CSRNP3: variants seen among roughly 807,000 people sequenced by gnomAD.
CSRNP3 encodes the protein cysteine/serine-rich nuclear protein 3.
A neutral mutation model predicts 48.0 loss-of-function variants in CSRNP3; 12 were observed. That is an observed-to-expected ratio of 0.25 (90% confidence interval 0.16 to 0.41). The LOEUF is 0.41. Among genes scored for constraint, CSRNP3 ranks in the 10% least tolerant of loss-of-function variants. CSRNP3 has a pLI of 1.00. For missense variants in CSRNP3, 580 were observed against 724.4 expected (o/e 0.80, Z 2.29); for synonymous variants, 263 against 269.7 (o/e 0.98, Z 0.24).
chr2:165,569,000 A>G (rs1397649299), intron 3 of CSRNP3, among the ~76,000 whole-genome samples: 1 of 152,108 alleles, frequency 6.6e-6, no homozygotes, highest in Non-Finnish European at 1.5e-5. Flanking sequence ...ACCATTTAAT[A>G]CTTTCACATA....
chr2:165,653,055 CT>C (rs1686940797), intron 4 of CSRNP3, among the ~76,000 whole-genome samples: 1 of 152,144 alleles, frequency 6.6e-6, no homozygotes, highest in African/African-American at 2.4e-5. Context: ...TGAATTTAGT[CT>C]GCTTCTCCCA....
chr2:165,481,531 C>A (rs1176606994), intron 1 of CSRNP3, among the ~76,000 whole-genome samples: 2 of 152,168 alleles, frequency 1.3e-5, no homozygotes, highest in Non-Finnish European at 1.5e-5. Flanking sequence ...AGACTTTGCA[C>A]CATCTTTCCT....
intron 5 of CSRNP3, among the ~76,000 whole-genome samples, chr2:165,663,697 G>A (rs146230310): frequency 6.6e-6 from 1 of 152,180 alleles, no homozygotes; most frequent in Non-Finnish European, 1.5e-5. Flanking sequence ...TGATTAAAAT[G>A]TGGGGTATAT....
chr2:165,608,462 A>G (rs1337288275), intron 4 of CSRNP3, among the ~76,000 whole-genome samples: 1 of 152,202 alleles, frequency 6.6e-6, no homozygotes, highest in Non-Finnish European at 1.5e-5. Context: ...AGAAAGTAAC[A>G]AAAGAATTAA....
intron 2 of CSRNP3, among the ~76,000 whole-genome samples, chr2:165,500,079 T>G (rs1346173277): frequency 6.7e-6 from 1 of 148,390 alleles, no homozygotes; most frequent in Non-Finnish European, 1.5e-5. Context: ...CACCAAAAAC[T>G]CAAACTCAAT....
At position 165,520,802 on chromosome 2, in the gene CSRNP3, T is replaced by C. The variant is rs910147450; in HGVS notation, c.-24+2841T>C. On this transcript the variant is annotated intron_variant, in intron 3 of 6. Transcript: ENST00000651982. ...TATATATTATATATATATATATATA[T>C]ATATATATATATATATATATATATA... 5.8e-4 allele frequency among the ~76,000 whole-genome samples: 33 copies of C among 57,362 alleles called. 1 individual carries two copies. In the East Asian group the frequency reaches 7.2e-3, roughly 13 times the overall value. 37.6% of individuals were successfully genotyped at this position (57,362 alleles called of 152,430 possible).
intron 1 of CSRNP3, among the ~76,000 whole-genome samples, chr2:165,484,621 C>G (rs1411199775): frequency 6.6e-6 from 1 of 152,182 alleles, no homozygotes; most frequent in Non-Finnish European, 1.5e-5. Context: ...TTTATGATCA[C>G]TTTTGCTTGA....
At chr2:165,544,010 T>TAC (rs1039187031) in intron 3 of CSRNP3, among the ~76,000 whole-genome samples, 1 of 147,408 alleles carries the variant, frequency 6.8e-6, no homozygotes, top group African/African-American at 2.6e-5. Flanking sequence ...TATATATATA[T>TAC]ACACACACAA....
At position 165,667,812 on chromosome 2, in the gene CSRNP3, T is replaced by C. The variant is rs74942232; in HGVS notation, c.409-8500T>C. 9.0e-3 allele frequency among the ~76,000 whole-genome samples: 1,370 copies of C among 152,328 alleles called. 24 individuals carry two copies. The highest frequency in any genetic ancestry group is 0.031 in the African/African-American group (1,283 of 41,572). ...CCACCACTTCAATAACTTGCACATA[T>C]ATTTTGTGCTCTTACAACATTATAT... On this transcript the variant is annotated intron_variant, in intron 5 of 6. Coordinates refer to ENST00000651982, the MANE Select transcript of CSRNP3 (RefSeq NM_001172173.2).
In CSRNP3 at chr2:165,680,435, T is replaced by C. The variant is rs1687514602; in HGVS notation, c.*682T>C. 1 of 152,680 alleles carries C rather than the reference T, an allele frequency of 6.5e-6. No individual in the cohort carries two copies. Among genetic ancestry groups the C allele is most frequent in the Admixed American group, 6.5e-5 (1 of 15,272 alleles). The allele number at this position is 152,680 out of a possible 1,614,324, so 9.5% of individuals were successfully genotyped here. ...TTGGACAAATAAATGATTCTATATG[T>C]GCAGGTCCTTACACAGTTTTCTCTA... On this transcript the variant is annotated 3_prime_UTR_variant, in exon 7 of 7. Transcript: ENST00000651982.
Position 165,554,259 on chromosome 2 carries a change from A to G in CSRNP3, c.-24+36298A>G, listed in dbSNP as rs1449907459. ...GTGCTGGTTCTTCCTCATTTCCTCA[A>G]TCACTAAACATTGGAGTACACAGGA... On this transcript the variant is annotated intron_variant, in intron 3 of 6. Transcript: ENST00000651982. Among the ~76,000 whole-genome samples, 7 of 152,084 alleles carry G rather than the reference A, an allele frequency of 4.6e-5. No individual in the cohort carries two copies. The East Asian group carries it at 1.4e-3, about 29-fold the overall frequency.
chr2:165,546,522 T>C (rs979400126), intron 3 of CSRNP3, among the ~76,000 whole-genome samples: 4 of 152,186 alleles, frequency 2.6e-5, no homozygotes, highest in Non-Finnish European at 5.9e-5. Context: ...GTACTCTGCA[T>C]ACAAATGCTA....
At chr2:165,520,363 TAA>T (rs960201642) in intron 3 of CSRNP3, among the ~76,000 whole-genome samples, 2 of 152,148 alleles carry the variant, frequency 1.3e-5, no homozygotes, top group Admixed American at 6.6e-5. Flanking sequence ...ACTCATCATA[TAA>T]AGTGCTGTTA....
rs2105367692 is a variant in CSRNP3 at position 165,680,656 on chromosome 2, G to A, written c.*903G>A. The A allele has an allele frequency of 6.6e-6, 1 of 152,326 alleles. No individual in the cohort carries two copies. The highest frequency in any genetic ancestry group is 1.5e-5 in the Non-Finnish European group (1 of 67,972). The allele number at this position is 152,326 out of a possible 1,614,324, so 9.4% of individuals were successfully genotyped here. A position where few individuals can be genotyped will look rare whatever the true frequency, so the allele number is the denominator to read the frequency against. On this transcript the variant is annotated 3_prime_UTR_variant, in exon 7 of 7. Transcript: ENST00000651982. Reference sequence around the variant, plus strand: ...AGTGCCCCTTCACGGTACCTCGTGTGGGGTGGGGACTGAGAACTCTTTGAG... The same window carrying A: ...AGTGCCCCTTCACGGTACCTCGTGTAGGGTGGGGACTGAGAACTCTTTGAG...
intron 5 of CSRNP3, among the ~76,000 whole-genome samples, chr2:165,669,985 T>C (rs11893375): frequency 8.2e-4 from 125 of 152,304 alleles, no homozygotes; most frequent in African/African-American, 3.0e-3. Flanking sequence ...CTAAGCCAAA[T>C]GGCAAAGAAG....
chr2:165,546,092 G>C (rs1465749783), intron 3 of CSRNP3, among the ~76,000 whole-genome samples: 1 of 152,112 alleles, frequency 6.6e-6, no homozygotes, highest in Non-Finnish European at 1.5e-5. Flanking sequence ...ATCATAACAT[G>C]AAGTAGAAGA....
At chr2:165,521,693 A>G (rs900873110) in intron 3 of CSRNP3, among the ~76,000 whole-genome samples, 6 of 152,090 alleles carry the variant, frequency 3.9e-5, no homozygotes, top group African/African-American at 1.4e-4. Context: ...AGGTTTTTCA[A>G]CTTCAGCACT....
At position 165,533,329 on chromosome 2, in the gene CSRNP3, A is replaced by C. The variant is rs190139983; in HGVS notation, c.-24+15368A>C. On this transcript the variant is annotated intron_variant, in intron 3 of 6. Transcript: ENST00000651982. ...CAATTAGAATAACTACTCATTTCCAAACTCACTTTCCTAATCGTTTTCACC... is the reference window on the plus strand; with the variant it reads ...CAATTAGAATAACTACTCATTTCCACACTCACTTTCCTAATCGTTTTCACC... Among the ~76,000 whole-genome samples the C allele has an allele frequency of 4.3e-3, 650 of 152,250 alleles. 9 individuals are homozygous for C. The highest frequency in any genetic ancestry group is 0.02 in the Middle Eastern group (6 of 294).
intron 3 of CSRNP3, among the ~76,000 whole-genome samples, chr2:165,518,753 G>A (rs531713059): frequency 6.6e-6 from 1 of 151,800 alleles, no homozygotes; most frequent in Non-Finnish European, 1.5e-5. Context: ...GATTGTCTTG[G>A]TCAGGCATGT....
Sources: gnomAD v4.1 joint callset for allele counts (sites outside exome capture counted in the v4.1 genomes callset) on GRCh38, gnomAD v4.1.1 for gene constraint, MANE v1.5 for transcripts, NCBI Gene and HGNC (gene_info 2026-07-23, HGNC 2026-07-21) for gene names.